Variants in TFEC observed in about 807,000 individuals in gnomAD.
The protein encoded by TFEC is transcription factor EC, also known as class E basic helix-loop-helix protein 34.
TFEC carries 31 observed loss-of-function variants against 41.6 expected under a neutral mutation model. That is an observed-to-expected ratio of 0.74 (90% confidence interval 0.56 to 1.01). The LOEUF (loss-of-function observed/expected upper bound fraction) is 1.01, where lower values mean the gene tolerates loss of function less well. TFEC is among the 50% of genes least tolerant of loss of function. The pLI, the probability that TFEC is intolerant of heterozygous loss-of-function variation, is 0.00. For missense variants in TFEC, 402 were observed against 404.1 expected (o/e 0.99, Z 0.04); for synonymous variants, 143 against 140.6 (o/e 1.02, Z -0.12).
At chr7:116,022,411 G>A (rs1390631137) in intron 1 of TFEC, among the ~76,000 whole-genome samples, 1 of 152,190 alleles carries the variant, frequency 6.6e-6, no homozygotes, top group East Asian at 1.9e-4. Context: ...TAAGATTGCA[G>A]ATTTTGGAAT....
At chr7:116,101,928 T>TA (rs1797614283) in intron 3 of TFEC, among the ~76,000 whole-genome samples, 1 of 152,176 alleles carries the variant, frequency 6.6e-6, no homozygotes, top group African/African-American at 2.4e-5. Context: ...AGATGACTCT[T>TA]ACAGAAAACT....
chr7:115,979,771 G>A (rs1793543062), intron 2 of TFEC, among the ~76,000 whole-genome samples: 1 of 151,896 alleles, frequency 6.6e-6, no homozygotes, highest in Non-Finnish European at 1.5e-5. Flanking sequence ...TCTCAAAATT[G>A]CACCAAACTC....
At chr7:116,155,955 G>A (rs546611258) in intron 1 of TFEC, among the ~76,000 whole-genome samples, 31 of 152,180 alleles carry the variant, frequency 2.0e-4, no homozygotes, top group African/African-American at 6.7e-4. Context: ...AGTTTGGGGC[G>A]TAAATTTTGA....
At chr7:115,977,852 T>C (rs1301937705) in intron 2 of TFEC, among the ~76,000 whole-genome samples, 3 of 151,892 alleles carry the variant, frequency 2.0e-5, no homozygotes, top group Non-Finnish European at 4.4e-5. Flanking sequence ...CTAAGGTAGA[T>C]TTTTACTTAA....
intron 6 of TFEC, among the ~76,000 whole-genome samples, chr7:115,947,265 C>T (rs1270335742): frequency 6.6e-6 from 1 of 151,622 alleles, no homozygotes; most frequent in Non-Finnish European, 1.5e-5. Context: ...TTTTTTATGG[C>T]TGCATAGTAT....
At chr7:116,012,594 A>G (rs1298949786) in intron 1 of TFEC, among the ~76,000 whole-genome samples, 1 of 152,124 alleles carries the variant, frequency 6.6e-6, no homozygotes, top group Non-Finnish European at 1.5e-5. Flanking sequence ...AACATCTGGG[A>G]TAAAAACCCA....
chr7:116,044,602 T>C (rs888914711), intron 3 of TFEC, among the ~76,000 whole-genome samples: 27 of 152,254 alleles, frequency 1.8e-4, no homozygotes, highest in Non-Finnish European at 1.5e-5. Context: ...TTCAGTTTTT[T>C]GACAACTACT....
intron 3 of TFEC, among the ~76,000 whole-genome samples, chr7:116,041,590 G>A (rs1259953594): frequency 6.6e-6 from 1 of 152,176 alleles, no homozygotes; most frequent in African/African-American, 2.4e-5. Flanking sequence ...TGACCACACT[G>A]GTATATGTGA....
At chr7:116,049,681 TCTCAGTGCCAC>T (rs1301903037) in intron 3 of TFEC, among the ~76,000 whole-genome samples, 2 of 152,186 alleles carry the variant, frequency 1.3e-5, no homozygotes, top group African/African-American at 4.8e-5. Flanking sequence ...TATACATTCT[TCTCAGTGCCAC>T]CTCACACTTA....
In TFEC at chr7:116,024,338, A is replaced by T. The variant is rs1456356989; in HGVS notation, c.-73+6295T>A. Among the ~76,000 whole-genome samples, 6 of 152,176 alleles carry T rather than the reference A, an allele frequency of 3.9e-5. No homozygotes were observed. In the East Asian group the frequency reaches 1.2e-3, roughly 29 times the overall value. ...ATGAATGAAAGAGAACAACAAAGAC[A>T]AAGTTTAAATTTAAAAGGGTCCTAG... On this transcript the variant is annotated intron_variant, in intron 1 of 7. Transcript: ENST00000265440.
At chr7:116,004,862 T>C (rs1432015000) in intron 1 of TFEC, among the ~76,000 whole-genome samples, 1 of 151,940 alleles carries the variant, frequency 6.6e-6, no homozygotes, top group African/African-American at 2.4e-5. Flanking sequence ...CCAAATCTCA[T>C]CTTGAATTCC....
intron 5 of TFEC, among the ~76,000 whole-genome samples, chr7:115,953,202 C>T (rs1156308339): frequency 7.2e-6 from 1 of 138,458 alleles, no homozygotes; most frequent in East Asian, 1.9e-4. Context: ...TGAGAGCTGA[C>T]ACTGCCCTGC....
At chr7:116,133,404 GC>G (rs937182747) in intron 1 of TFEC, among the ~76,000 whole-genome samples, 4 of 152,082 alleles carry the variant, frequency 2.6e-5, no homozygotes, top group Admixed American at 2.6e-4. Context: ...ACAAAAATTA[GC>G]CAGACGTGGT....
At chr7:115,947,104 T>C (rs1289466058) in intron 6 of TFEC, among the ~76,000 whole-genome samples, 1 of 123,222 alleles carries the variant, frequency 8.1e-6, no homozygotes, top group Non-Finnish European at 1.6e-5. Context: ...CAGAGTGTGA[T>C]GTTCCCCTTC....
At chr7:115,968,430 T>C (rs374881766) in intron 3 of TFEC, 1 of 743,768 alleles carries the variant, frequency 1.3e-6, no homozygotes. Flanking sequence ...CAGGGGGTTG[T>C]TAATATTTAC....
At chr7:116,037,120 T>G (rs1034050169) in intron 3 of TFEC, among the ~76,000 whole-genome samples, 1 of 152,088 alleles carries the variant, frequency 6.6e-6, no homozygotes, top group South Asian at 2.1e-4. Context: ...GAATAATTTA[T>G]TGTTACATTA....
intron 6 of TFEC, among the ~76,000 whole-genome samples, chr7:115,945,996 C>T (rs1447448138): frequency 6.6e-6 from 1 of 151,602 alleles, no homozygotes; most frequent in Admixed American, 6.6e-5. Flanking sequence ...AAAGTACTTA[C>T]CATTCTATGT....
intron 3 of TFEC, among the ~76,000 whole-genome samples, chr7:116,086,080 A>G (rs960046044): frequency 6.6e-6 from 1 of 151,740 alleles, no homozygotes; most frequent in Non-Finnish European, 1.5e-5. Context: ...TTTCTTTCAC[A>G]CATGATTTAT....
intron 3 of TFEC, among the ~76,000 whole-genome samples, chr7:116,100,946 T>C (rs1459181214): frequency 1.3e-5 from 2 of 151,946 alleles, no homozygotes; most frequent in Non-Finnish European, 2.9e-5. Flanking sequence ...AAGCAAATGT[T>C]TTTTTTTCCT....
Sources: gnomAD v4.1 joint callset for allele counts (sites outside exome capture counted in the v4.1 genomes callset) on GRCh38, gnomAD v4.1.1 for gene constraint, MANE v1.5 for transcripts, NCBI Gene and HGNC (gene_info 2026-07-23, HGNC 2026-07-21) for gene names.